DEGS2: variants seen among roughly 807,000 people sequenced by gnomAD.
DEGS2 encodes delta 4-desaturase, sphingolipid 2.
In DEGS2, 19 loss-of-function variants were observed where a neutral mutation model predicts 23.8. The ratio of observed to expected loss-of-function variants is 0.80; its 90% CI spans 0.56 to 1.17. DEGS2 has a LOEUF of 1.17. Among genes scored for constraint, DEGS2 ranks in the 50% most tolerant of loss-of-function variants. The pLI, the probability that DEGS2 is intolerant of heterozygous loss-of-function variation, is 0.00. For synonymous variants in DEGS2, 218 were observed against 213.7 expected (o/e 1.02, Z -0.18); for missense variants, 390 against 459.5 (o/e 0.85, Z 1.38).
chr14:100,156,037 C>T (rs1889652700), intron 1 of DEGS2, among the ~76,000 whole-genome samples: 1 of 152,228 alleles, frequency 6.6e-6, no homozygotes. Context: ...AGCATGTCCC[C>T]CTCCCCGGCA....
At chr14:100,154,599 G>A (rs1201354038) in intron 1 of DEGS2, among the ~76,000 whole-genome samples, 2 of 152,250 alleles carry the variant, frequency 1.3e-5, no homozygotes, top group East Asian at 3.8e-4. Context: ...CCAGTTAGCA[G>A]GCTCACTCAT....
Position 100,146,570 on chromosome 14 carries a change from C to T in DEGS2, c.*191G>A. The T allele has an allele frequency of 1.3e-6, 1 of 770,358 alleles. No homozygotes were observed. The highest frequency in any genetic ancestry group is 2.0e-6 in the Non-Finnish European group (1 of 494,136). The allele number at this position is 770,358 out of a possible 1,614,324, so 47.7% of individuals were successfully genotyped here. A position where few individuals can be genotyped will look rare whatever the true frequency, so the allele number is the denominator to read the frequency against. On this transcript the variant is annotated 3_prime_UTR_variant, in exon 3 of 3. Transcript: ENST00000305631. Reference sequence around the variant, plus strand: ...GAAAGGGAGGGCCACACTCAAGGTCCAGGGCAAGTCCACGTGCAGACGGAG... The same window carrying T: ...GAAAGGGAGGGCCACACTCAAGGTCTAGGGCAAGTCCACGTGCAGACGGAG...
At position 100,152,060 on chromosome 14, in the gene DEGS2, G is replaced by A. The variant is rs533967781; in HGVS notation, c.83-2350C>T. Among the ~76,000 whole-genome samples, 3 of 152,276 alleles carry A rather than the reference G, an allele frequency of 2.0e-5. No individual in the cohort carries two copies. The South Asian group carries it at 6.2e-4, about 32-fold the overall frequency. On this transcript the variant is annotated intron_variant, in intron 1 of 2. Transcript: ENST00000305631. Reference sequence around the variant, plus strand: ...AGGGCTTGGAGGTGGTCAGCTGCCAGGGGTCACAGAGGTTCAGGGACAAGA... The same window carrying A: ...AGGGCTTGGAGGTGGTCAGCTGCCAAGGGTCACAGAGGTTCAGGGACAAGA...
upstream of DEGS2, chr14:100,159,675 T>A (rs560276283): frequency 8.8e-6 from 3 of 341,346 alleles, no homozygotes; most frequent in South Asian, 1.4e-4. Flanking sequence ...CAGCTCTGAT[T>A]AGGGCGGGGG....
In DEGS2 at chr14:100,159,590, T is replaced by C. The variant is rs562271393; in HGVS notation, c.-3A>G. On this transcript the variant is annotated 5_prime_UTR_variant, in exon 1 of 3. Transcript: ENST00000305631. ...CTGCGGCTCGCGCTGTTGCCCATGG[T>C]GGGGCGGGAGGCGCCGTTCGGAGCG... 5 of 1,434,090 alleles carry C rather than the reference T, an allele frequency of 3.5e-6. No homozygotes were observed. Among genetic ancestry groups the C allele is most frequent in the African/African-American group, 1.5e-5 (1 of 64,558 alleles). 88.8% of individuals were successfully genotyped at this position (1,434,090 alleles called of 1,614,324 possible).
intron 1 of DEGS2, among the ~76,000 whole-genome samples, chr14:100,154,137 G>T (rs1889619353): frequency 6.6e-6 from 1 of 152,126 alleles, no homozygotes; most frequent in Admixed American, 6.5e-5. Context: ...GGCTGAGACG[G>T]GCAGATCACT....
upstream of DEGS2, among the ~76,000 whole-genome samples, chr14:100,161,981 G>A (rs1183919617): frequency 3.4e-5 from 5 of 148,598 alleles, no homozygotes; most frequent in Admixed American, 3.3e-4. Flanking sequence ...GAACCTGGGA[G>A]GCAGAGGTTG....
intron 1 of DEGS2, among the ~76,000 whole-genome samples, chr14:100,152,881 AATGGATGG>A (rs138869050): frequency 6.7e-6 from 1 of 149,118 alleles, no homozygotes; most frequent in African/African-American, 2.5e-5. Context: ...CCCCTCTTCG[AATGGATGG>A]ATGGATGGAT....
At chr14:100,166,713 T>C in the DEGS2 span, among the ~76,000 whole-genome samples, 679 of 151,984 alleles carry the variant, frequency 4.5e-3, 4 homozygotes, top group East Asian at 0.01. Context: ...GACAGGGCCA[T>C]GAGGGGTCAG....
In DEGS2 at chr14:100,148,967, C is replaced by G; in HGVS notation, c.825+1G>C. ...GCAGCCCTGCCAGCCCAGCCACATA[C>G]CAGCGGCAGGTTGTAGCCCGGGATG... On this transcript the variant is annotated splice_donor_variant, in intron 2 of 2. Coordinates refer to ENST00000305631, the MANE Select transcript of DEGS2 (RefSeq NM_206918.3). LOFTEE classifies it high-confidence loss of function. The G allele has an allele frequency of 5.6e-6, 9 of 1,610,934 alleles. No individual in the cohort carries two copies. Among genetic ancestry groups the G allele is most frequent in the Non-Finnish European group, 7.6e-6 (9 of 1,178,636 alleles).
At chr14:100,166,147 TGGG>T in the DEGS2 span, among the ~76,000 whole-genome samples, 16 of 19,322 alleles carry the variant, frequency 8.3e-4, 1 homozygote, top group African/African-American at 2.4e-3. Context: ...TCTCGGGGAG[TGGG>T]GGGAGCCTGT....
chr14:100,159,860 G>A (rs1041412753), upstream of DEGS2: 16 of 258,200 alleles, frequency 6.2e-5, no homozygotes, highest in African/African-American at 3.2e-4. Flanking sequence ...GTGGCCGCGT[G>A]CCATCTGCGC....
At chr14:100,158,782 G>A (rs968330168) in intron 1 of DEGS2, among the ~76,000 whole-genome samples, 1 of 152,126 alleles carries the variant, frequency 6.6e-6, no homozygotes, top group African/African-American at 2.4e-5. Flanking sequence ...CCGTAAGCCC[G>A]GGCCAAGGAC....
At chr14:100,150,865 C>T (rs1442423356) in intron 1 of DEGS2, among the ~76,000 whole-genome samples, 1 of 152,096 alleles carries the variant, frequency 6.6e-6, no homozygotes, top group African/African-American at 2.4e-5. Context: ...ACAGCAGCGC[C>T]CACCCTACCA....
intron 2 of DEGS2, among the ~76,000 whole-genome samples, chr14:100,148,194 C>G (rs1330290457): frequency 1.3e-5 from 2 of 152,246 alleles, no homozygotes; most frequent in African/African-American, 4.8e-5. Flanking sequence ...CACGCCCAGG[C>G]ACACATGCAA....
At chr14:100,150,908 C>G (rs1243262391) in intron 1 of DEGS2, among the ~76,000 whole-genome samples, 1 of 152,196 alleles carries the variant, frequency 6.6e-6, no homozygotes, top group East Asian at 1.9e-4. Flanking sequence ...TGGGCTGGTC[C>G]TATCTCCCAT....
upstream of DEGS2, among the ~76,000 whole-genome samples, chr14:100,164,148 G>T (rs998512971): frequency 2.0e-5 from 3 of 151,986 alleles, no homozygotes; most frequent in African/African-American, 7.2e-5. Flanking sequence ...CCCCAGGCTG[G>T]TCTGGAACTC....
Position 100,144,715 on chromosome 14 carries a change from C to CA in DEGS2, c.*2045dup, listed in dbSNP as rs1486429423. 1 of 152,372 alleles carries CA rather than the reference C, an allele frequency of 6.6e-6. No individual in the cohort carries two copies. The highest frequency in any genetic ancestry group is 1.9e-4 in the East Asian group (1 of 5,200). 9.4% of individuals were successfully genotyped at this position (152,372 alleles called of 1,614,324 possible). Reference sequence around the variant, plus strand: ...AGCCAGAGACAGAGGTTCTGACCCTCAGCTTCAAGGAACCAGGGCCACCAA... The same window carrying CA: ...AGCCAGAGACAGAGGTTCTGACCCTCAAGCTTCAAGGAACCAGGGCCACCAA... On this transcript the variant is annotated 3_prime_UTR_variant, in exon 3 of 3. Transcript: ENST00000305631.
At position 100,152,517 on chromosome 14, in the gene DEGS2, G is replaced by A. The variant is rs570323837; in HGVS notation, c.83-2807C>T. On this transcript the variant is annotated intron_variant, in intron 1 of 2. Coordinates refer to ENST00000305631, the MANE Select transcript of DEGS2 (RefSeq NM_206918.3). ...GCTAGGGCCCCGATAGAACAAAAAGGCAGAGACAAGGGTCTCCCTCCTGTC... is the reference window on the plus strand; with the variant it reads ...GCTAGGGCCCCGATAGAACAAAAAGACAGAGACAAGGGTCTCCCTCCTGTC... Among the ~76,000 whole-genome samples, 204 of 152,258 alleles carry A rather than the reference G, an allele frequency of 1.3e-3. 2 individuals carry two copies. The highest frequency in any genetic ancestry group is 0.011 in the South Asian group (52 of 4,826).
Sources: allele counts gnomAD v4.1 joint callset (sites outside exome capture counted in the v4.1 genomes callset), GRCh38; gene constraint gnomAD v4.1.1; transcripts MANE v1.5; gene names NCBI Gene and HGNC (gene_info 2026-07-23, HGNC 2026-07-21).